Variants in SPOCK3 observed in about 807,000 individuals in gnomAD.
SPOCK3 encodes SPARC (osteonectin), cwcv and kazal like domains proteoglycan 3.
A neutral mutation model predicts 56.6 loss-of-function variants in SPOCK3; 30 were observed. The ratio of observed to expected loss-of-function variants is 0.53; its 90% CI spans 0.40 to 0.72. SPOCK3 has a LOEUF of 0.72. Among genes scored for constraint, SPOCK3 ranks in the 30% least tolerant of loss-of-function variants. The pLI, the probability that SPOCK3 is intolerant of heterozygous loss-of-function variation, is 0.00. For missense variants in SPOCK3, 527 were observed against 530.0 expected, an observed-to-expected ratio of 0.99 and a Z score of 0.06; for synonymous variants, 196 against 183.3, an observed-to-expected ratio of 1.07 and a Z score of -0.56.
At chr4:167,143,053 T>C (rs543109276) in intron 2 of SPOCK3, among the ~76,000 whole-genome samples, 3 of 152,126 alleles carry the variant, frequency 2.0e-5, no homozygotes, top group Admixed American at 1.3e-4. Context: ...AAATAGATCA[T>C]GGTTGCATCA....
intron 6 of SPOCK3, among the ~76,000 whole-genome samples, chr4:166,855,294 TA>T (rs914005458): frequency 1.3e-5 from 2 of 149,810 alleles, no homozygotes; most frequent in Admixed American, 6.7e-5. Context: ...AGACAAAAAA[TA>T]AAAAAAAATG....
chr4:167,203,966 C>T (rs1733776313), intron 2 of SPOCK3, among the ~76,000 whole-genome samples: 1 of 152,042 alleles, frequency 6.6e-6, no homozygotes, highest in Non-Finnish European at 1.5e-5. Flanking sequence ...TGCTTGTTTT[C>T]ATTTAATACC....
intron 3 of SPOCK3, among the ~76,000 whole-genome samples, chr4:167,007,092 C>T (rs1749542492): frequency 6.6e-6 from 1 of 152,188 alleles, no homozygotes; most frequent in Non-Finnish European, 1.5e-5. Context: ...CCTGCATTCA[C>T]CTTGAAGCCT....
intron 3 of SPOCK3, among the ~76,000 whole-genome samples, chr4:167,015,621 C>T (rs994970641): frequency 6.6e-6 from 1 of 152,098 alleles, no homozygotes; most frequent in Non-Finnish European, 1.5e-5. Flanking sequence ...TTCAGTTTGT[C>T]ATTTCCAATT....
intron 2 of SPOCK3, among the ~76,000 whole-genome samples, chr4:167,199,902 TAAAA>T (rs1013966948): frequency 1.3e-5 from 2 of 149,054 alleles, no homozygotes; most frequent in African/African-American, 5.1e-5. Flanking sequence ...TACAAATAAA[TAAAA>T]AAATATGTAA....
At chr4:166,861,225 A>G (rs138090960) in intron 6 of SPOCK3, among the ~76,000 whole-genome samples, 1 of 152,226 alleles carries the variant, frequency 6.6e-6, no homozygotes, top group East Asian at 1.9e-4. Flanking sequence ...AAATGATAAA[A>G]TTAAAAACCT....
At chr4:167,096,572 ACTGT>A (rs1433404058) in intron 2 of SPOCK3, among the ~76,000 whole-genome samples, 1 of 151,642 alleles carries the variant, frequency 6.6e-6, no homozygotes, top group Admixed American at 6.6e-5. Context: ...TTTCCAACTA[ACTGT>A]CTGTTACTGA....
chr4:167,020,611 G>A lies in SPOCK3; in HGVS notation c.236-20148C>T, dbSNP rs1751075354. On this transcript the variant is annotated intron_variant, in intron 3 of 10. Coordinates refer to ENST00000357545, the MANE Select transcript of SPOCK3 (RefSeq NM_001040159.2). ...TTCTTCCACCTTCTGCCATATGGGG[G>A]CAGAGCAAGAGGACCCTTACCAGAT... 2.0e-5 allele frequency among the ~76,000 whole-genome samples: 3 copies of A among 151,962 alleles called. No homozygotes were observed. The South Asian group carries it at 6.2e-4, about 31-fold the overall frequency.
intron 2 of SPOCK3, among the ~76,000 whole-genome samples, chr4:167,148,112 A>G (rs1260371945): frequency 6.6e-6 from 1 of 152,086 alleles, no homozygotes; most frequent in Non-Finnish European, 1.5e-5. Flanking sequence ...TCATTTCCAT[A>G]TTTCATCACT....
chr4:167,086,256 T>C (rs1379864595), intron 2 of SPOCK3, among the ~76,000 whole-genome samples: 1 of 152,138 alleles, frequency 6.6e-6, no homozygotes, highest in Non-Finnish European at 1.5e-5. Context: ...TTTTAGTCCT[T>C]GTTTTGTTAT....
At chr4:167,157,677 C>G (rs551149140) in intron 2 of SPOCK3, among the ~76,000 whole-genome samples, 106 of 149,720 alleles carry the variant, frequency 7.1e-4, no homozygotes, top group African/African-American at 2.4e-3. Flanking sequence ...TTTAATGTAA[C>G]AGTAAACATA....
intron 2 of SPOCK3, among the ~76,000 whole-genome samples, chr4:167,196,328 G>A (rs1463390061): frequency 1.3e-5 from 2 of 152,012 alleles, no homozygotes; most frequent in Non-Finnish European, 2.9e-5. Flanking sequence ...CACGTTTGTT[G>A]TATTAGTTAT....
chr4:166,935,593 A>C (rs1017782998), intron 4 of SPOCK3, among the ~76,000 whole-genome samples: 2 of 152,190 alleles, frequency 1.3e-5, no homozygotes, highest in African/African-American at 4.8e-5. Context: ...CATGTTAACC[A>C]CTGTAAATGT....
chr4:167,120,278 A>T (rs1169322115), intron 2 of SPOCK3, among the ~76,000 whole-genome samples: 1 of 152,038 alleles, frequency 6.6e-6, no homozygotes, highest in Non-Finnish European at 1.5e-5. Context: ...ATAAAGTGGA[A>T]ATGACAGTAT....
At chr4:167,167,652 A>C (rs1053523865) in intron 2 of SPOCK3, among the ~76,000 whole-genome samples, 2 of 152,200 alleles carry the variant, frequency 1.3e-5, no homozygotes, top group African/African-American at 4.8e-5. Context: ...GAGAAGGTAC[A>C]CCAGGATTAA....
chr4:167,016,838 A>T (rs1197024196), intron 3 of SPOCK3, among the ~76,000 whole-genome samples: 2 of 152,096 alleles, frequency 1.3e-5, no homozygotes, highest in Non-Finnish European at 2.9e-5. Flanking sequence ...CCACGGCTGA[A>T]CTTGCAAGTT....
At chr4:167,207,420 A>C (rs1561324967) in intron 2 of SPOCK3, among the ~76,000 whole-genome samples, 1 of 152,010 alleles carries the variant, frequency 6.6e-6, no homozygotes, top group African/African-American at 2.4e-5. Flanking sequence ...AAACTAAAAA[A>C]AATGTAGGAA....
chr4:167,102,875 G>T (rs960913306), intron 2 of SPOCK3, among the ~76,000 whole-genome samples: 3 of 141,692 alleles, frequency 2.1e-5, no homozygotes, highest in Non-Finnish European at 4.5e-5. Flanking sequence ...GACGGCTAAG[G>T]AAGTGTTTGT....
intron 8 of SPOCK3, among the ~76,000 whole-genome samples, chr4:166,747,664 A>G (rs956147656): frequency 6.6e-6 from 1 of 152,008 alleles, no homozygotes; most frequent in Non-Finnish European, 1.5e-5. Context: ...GAAATAAAGG[A>G]TATTCAATTA....
Sources: gnomAD v4.1 joint callset for allele counts (sites outside exome capture counted in the v4.1 genomes callset) on GRCh38, gnomAD v4.1.1 for gene constraint, MANE v1.5 for transcripts, NCBI Gene and HGNC (gene_info 2026-07-23, HGNC 2026-07-21) for gene names.